The following C1orf87 variants were observed in gnomAD, a reference collection of about 807,000 sequenced individuals.
C1orf87 encodes chromosome 1 open reading frame 87, also known as uncharacterized protein C1orf87.
C1orf87 carries 58 observed loss-of-function variants against 60.5 expected under a neutral mutation model. The observed-to-expected ratio is 0.96, with a 90% CI of 0.78 to 1.19. The LOEUF (loss-of-function observed/expected upper bound fraction) is 1.19, where lower values mean the gene tolerates loss of function less well. Among genes scored for constraint, C1orf87 ranks in the 50% most tolerant of loss-of-function variants. The pLI is 0.00. For synonymous variants in C1orf87, 236 were observed against 227.4 expected (o/e 1.04, Z -0.34); for missense variants, 673 against 638.6 (o/e 1.05, Z -0.58).
chr1:60,062,511 T>C (rs1462915413), intron 2 of C1orf87, among the ~76,000 whole-genome samples: 5 of 152,174 alleles, frequency 3.3e-5, no homozygotes. Context: ...GTATCTCCAT[T>C]ATAAAACATT....
rs74961125 is a variant in C1orf87 at position 60,061,984 on chromosome 1, G to T, written c.108-6546C>A. On this transcript the variant is annotated intron_variant, in intron 2 of 11. Transcript: ENST00000371201. The stretch of plus-strand genomic sequence containing the variant: ...GCAGTGCCTATGTCTTATGATTCTA[G>T]GTGGTTTGGGCCAATGGGTAGCCCT... Among the ~76,000 whole-genome samples the T allele has an allele frequency of 4.6e-5, 7 of 152,146 alleles. No homozygotes were observed. The East Asian group carries it at 1.4e-3, about 30-fold the overall frequency.
rs751245755 is a variant in C1orf87 at position 59,997,754 on chromosome 1, A to T, written c.1335T>A (p.Asp445Glu). ...GCCTGATCTTTAAAGGTTTCAGAGG[A>T]TCTTTGCAGGCTGAAGTTTCAGCAG... ...SSPAETSACKDPLKPLKIRPV... is the reference protein window; with the variant it reads ...SSPAETSACKEPLKPLKIRPV... Residue 445 changes from aspartate (D) to glutamate (E), a missense_variant, in exon 11 of 12, where the codon GAT (aspartate) becomes GAA (glutamate). Asp to Glu is a conservative substitution (Grantham distance 45). Transcript: ENST00000371201. 4 of 1,613,942 alleles carry T rather than the reference A, an allele frequency of 2.5e-6. No homozygotes were observed. In the South Asian group the frequency reaches 4.4e-5, roughly 18 times the overall value.
intron 7 of C1orf87, among the ~76,000 whole-genome samples, chr1:60,031,301 A>C (rs551072811): frequency 3.3e-4 from 50 of 152,334 alleles, no homozygotes; most frequent in African/African-American, 1.2e-3. Flanking sequence ...GCCTCCCAGA[A>C]CTGTATTATG....
At chr1:59,997,134 G>C (rs886331705) in intron 11 of C1orf87, among the ~76,000 whole-genome samples, 7 of 152,262 alleles carry the variant, frequency 4.6e-5, no homozygotes, top group Admixed American at 1.3e-4. Context: ...CAGATGAAAG[G>C]CTGGGAGTTA....
At chr1:60,061,645 A>G (rs1645497021) in intron 2 of C1orf87, among the ~76,000 whole-genome samples, 1 of 151,782 alleles carries the variant, frequency 6.6e-6, no homozygotes, top group African/African-American at 2.4e-5. Context: ...TACTCTATCA[A>G]TGGTGCCCAT....
chr1:60,036,489 A>G (rs1172048300), intron 6 of C1orf87, among the ~76,000 whole-genome samples: 1 of 152,160 alleles, frequency 6.6e-6, no homozygotes, highest in Non-Finnish European at 1.5e-5. Flanking sequence ...AAATAATAAA[A>G]ACACTTACAT....
chr1:60,044,155 G>C (rs191659481), intron 3 of C1orf87, among the ~76,000 whole-genome samples: 1 of 152,072 alleles, frequency 6.6e-6, no homozygotes, highest in African/African-American at 2.4e-5. Context: ...TCAGCCTCCC[G>C]AGTAGCTGGG....
At chr1:60,031,750 T>A (rs1296461760) in intron 7 of C1orf87, among the ~76,000 whole-genome samples, 1 of 152,178 alleles carries the variant, frequency 6.6e-6, no homozygotes, top group Non-Finnish European at 1.5e-5. Context: ...ATATTTTGAT[T>A]TTCAAGTTGT....
chr1:60,001,880 GGCTGCT>G (rs1396664684), intron 9 of C1orf87, among the ~76,000 whole-genome samples: 1 of 152,094 alleles, frequency 6.6e-6, no homozygotes, highest in African/African-American at 2.4e-5. Context: ...ACTTGCAGCA[GGCTGCT>G]GCCTTCATGA....
At chr1:60,064,384 CACA>C (rs1381359187) in intron 2 of C1orf87, among the ~76,000 whole-genome samples, 1 of 138,492 alleles carries the variant, frequency 7.2e-6, no homozygotes, top group Non-Finnish European at 1.5e-5. Flanking sequence ...CACACAATAT[CACA>C]ACAAAGTGAT....
Position 59,992,584 on chromosome 1 carries a change from G to C in C1orf87, c.1481-1751C>G, listed in dbSNP as rs538175994. 1.8e-4 allele frequency among the ~76,000 whole-genome samples: 27 copies of C among 152,278 alleles called. No individual in the cohort carries two copies. The Middle Eastern group carries it at 0.017, about 96-fold the overall frequency. ...TTACTCTCCTTCATATGTGCGAACT[G>C]TAAGAGTGATGGTGAAATTCCTTCC... On this transcript the variant is annotated intron_variant, in intron 11 of 11. Transcript: ENST00000371201.
chr1:60,041,409 A>C (rs1410606477), intron 3 of C1orf87, among the ~76,000 whole-genome samples: 1 of 152,190 alleles, frequency 6.6e-6, no homozygotes, highest in Non-Finnish European at 1.5e-5. Context: ...GGCAAAAAAT[A>C]ATAGGTAGAG....
intron 3 of C1orf87, among the ~76,000 whole-genome samples, chr1:60,047,375 G>A (rs182797693): frequency 6.6e-6 from 1 of 152,008 alleles, no homozygotes; most frequent in East Asian, 1.9e-4. Context: ...TTTTATTGAT[G>A]CCCAAATTAT....
At chr1:59,991,767 C>T (rs1644925211) in intron 11 of C1orf87, among the ~76,000 whole-genome samples, 1 of 152,114 alleles carries the variant, frequency 6.6e-6, no homozygotes, top group African/African-American at 2.4e-5. Flanking sequence ...ATGCCAATAC[C>T]AATGTCAGTA....
chr1:60,031,768 T>A (rs772607385), intron 7 of C1orf87, among the ~76,000 whole-genome samples: 4 of 152,216 alleles, frequency 2.6e-5, no homozygotes, highest in Non-Finnish European at 4.4e-5. Flanking sequence ...TGTTTATGTT[T>A]CATTCTATGA....
intron 8 of C1orf87, among the ~76,000 whole-genome samples, chr1:60,015,635 T>G (rs1410595900): frequency 1.3e-5 from 2 of 152,228 alleles, no homozygotes; most frequent in East Asian, 3.9e-4. Context: ...CTTTCCTCTG[T>G]GCACCTACAT....
chr1:60,025,215 C>T (rs1574307205), intron 8 of C1orf87, among the ~76,000 whole-genome samples, 186 bp downstream of exon 8: 1 of 152,186 alleles, frequency 6.6e-6, no homozygotes, highest in Non-Finnish European at 1.5e-5. Context: ...ACTCTTATGT[C>T]TGTTCCTCTC....
intron 7 of C1orf87, among the ~76,000 whole-genome samples, chr1:60,029,142 T>C (rs1250573922): frequency 6.6e-6 from 1 of 152,194 alleles, no homozygotes; most frequent in African/African-American, 2.4e-5. Flanking sequence ...ATGGCACCAC[T>C]ATCCATCAAG....
At chr1:59,991,385 T>C (rs1051489319) in intron 11 of C1orf87, among the ~76,000 whole-genome samples, 2 of 152,058 alleles carry the variant, frequency 1.3e-5, no homozygotes, top group Non-Finnish European at 2.9e-5. Flanking sequence ...TAAAATGGAG[T>C]AGTATTTGCA....
Sources: allele counts gnomAD v4.1 joint callset (sites outside exome capture counted in the v4.1 genomes callset), GRCh38; gene constraint gnomAD v4.1.1; transcripts MANE v1.5; gene names NCBI Gene and HGNC (gene_info 2026-07-23, HGNC 2026-07-21).